The following PHF24 variants were observed in gnomAD, a reference collection of about 807,000 sequenced individuals.
The protein encoded by PHF24 is PHD finger protein 24.
In PHF24, 25 loss-of-function variants were observed where a neutral mutation model predicts 42.6. The ratio of observed to expected loss-of-function variants is 0.59; its 90% CI spans 0.43 to 0.82. PHF24 has a LOEUF of 0.82. PHF24 is among the 40% of genes least tolerant of loss of function. The probability of loss-of-function intolerance (pLI) is 0.00; values close to 1 mark genes in which losing one functional copy is unlikely to be tolerated. For missense variants in PHF24, 470 were observed against 538.1 expected (o/e 0.87, Z 1.25); for synonymous variants, 185 against 204.8 (o/e 0.90, Z 0.83).
chr9:34,710,123 A>T, the PHF24 span: 1 of 1,490,874 alleles, frequency 6.7e-7, no homozygotes, highest in Non-Finnish European at 9.3e-7. Flanking sequence ...GGCAGCTGCA[A>T]GTTGGGGGTC....
the PHF24 span, among the ~76,000 whole-genome samples, chr9:34,805,219 A>G: frequency 4.6e-5 from 7 of 152,230 alleles, no homozygotes; most frequent in African/African-American, 1.7e-4. Context: ...TATTGGGAAT[A>G]TACCTAGGAG....
At chr9:34,860,351 T>TAAACAAC in the PHF24 span, among the ~76,000 whole-genome samples, 1 of 152,222 alleles carries the variant, frequency 6.6e-6, no homozygotes, top group South Asian at 2.1e-4. Context: ...TGTAAAATTG[T>TAAACAAC]TTTCCCATAG....
At chr9:34,886,826 G>GTATGTATC in the PHF24 span, among the ~76,000 whole-genome samples, 4 of 80,808 alleles carry the variant, frequency 4.9e-5, no homozygotes, top group Admixed American at 1.5e-4. Flanking sequence ...ATGTATCTAT[G>GTATGTATC]TATCTATGTA....
chr9:34,810,346 A>G, the PHF24 span, among the ~76,000 whole-genome samples: 2 of 152,062 alleles, frequency 1.3e-5, no homozygotes, highest in East Asian at 3.9e-4. Flanking sequence ...GCTGCGGGGA[A>G]CCGCCGCCAT....
At chr9:34,772,074 A>AAGGTTTCAGCTCAGGTTTCAGCTG in the PHF24 span, among the ~76,000 whole-genome samples, 2 of 152,204 alleles carry the variant, frequency 1.3e-5, no homozygotes, top group Non-Finnish European at 1.5e-5. Context: ...CAGCCTTACA[A>AAGGTTTCAGCTCAGGTTTCAGCTG]AGGTTTCAGC....
the PHF24 span, chr9:34,833,309 G>T: frequency 6.4e-7 from 1 of 1,551,440 alleles, no homozygotes; most frequent in Non-Finnish European, 8.7e-7. Context: ...GTCCCCACTG[G>T]GTTGTGAGAT....
chr9:34,942,614 C>A, the PHF24 span, among the ~76,000 whole-genome samples: 1 of 152,046 alleles, frequency 6.6e-6, no homozygotes, highest in African/African-American at 2.4e-5. Flanking sequence ...TTTTGGCCAT[C>A]CCATATGAAT....
the PHF24 span, among the ~76,000 whole-genome samples, chr9:34,906,380 G>A: frequency 3.3e-5 from 5 of 152,220 alleles, no homozygotes; most frequent in African/African-American, 4.8e-5. Flanking sequence ...GATCTTACAC[G>A]TTATACATGG....
chr9:34,922,730 A>T, the PHF24 span: 3 of 1,578,592 alleles, frequency 1.9e-6, no homozygotes, highest in Non-Finnish European at 2.6e-6. Context: ...TTTGTTCAAT[A>T]CTTGAGACGA....
chr9:34,670,406 C>G, the PHF24 span, among the ~76,000 whole-genome samples: 1 of 152,178 alleles, frequency 6.6e-6, no homozygotes, highest in Admixed American at 6.5e-5. Context: ...GAATCTGGTG[C>G]TAACTCTACG....
At chr9:34,833,052 G>A in the PHF24 span, 4 of 1,549,924 alleles carry the variant, frequency 2.6e-6, no homozygotes, top group Non-Finnish European at 3.5e-6. Flanking sequence ...ATCCCTGCTG[G>A]CCTCTGGTCT....
chr9:34,666,038 C>T, the PHF24 span: 1 of 320,086 alleles, frequency 3.1e-6, no homozygotes, highest in South Asian at 3.5e-5. Flanking sequence ...TGGCTCCACC[C>T]CGGAAACGGA....
chr9:34,917,234 G>A, the PHF24 span: 6 of 1,332,570 alleles, frequency 4.5e-6, no homozygotes, highest in African/African-American at 5.7e-5. Flanking sequence ...ACATATCCCT[G>A]CCTCAGGGTG....
At chr9:34,728,617 G>A in the PHF24 span, 1 of 1,550,698 alleles carries the variant, frequency 6.4e-7, no homozygotes, top group East Asian at 2.4e-5. Context: ...ACCTGTTGAT[G>A]CTGCATCTCT....
intron 1 of PHF24, among the ~76,000 whole-genome samples, chr9:34,959,939 A>G (rs55750233): frequency 0.014 from 2,178 of 152,348 alleles, 41 homozygotes; most frequent in African/African-American, 0.048. Flanking sequence ...AATGGTCCAC[A>G]GATAGCACTC....
the PHF24 span, among the ~76,000 whole-genome samples, chr9:34,708,160 G>T: frequency 1.3e-5 from 2 of 152,136 alleles, no homozygotes; most frequent in African/African-American, 4.8e-5. Context: ...CTTCACTCTG[G>T]GGAGGAAGAG....
chr9:34,836,075 C>T, the PHF24 span: 1 of 560,648 alleles, frequency 1.8e-6, no homozygotes, highest in Admixed American at 2.2e-5. Context: ...ACATGGCAAA[C>T]ATTAATGATG....
chr9:34,820,473 G>A, the PHF24 span, among the ~76,000 whole-genome samples: 82,141 of 151,920 alleles, frequency 0.54, 23,101 homozygotes, highest in Non-Finnish European at 0.62. Context: ...ACTTATAAGT[G>A]AGAACATGTG....
chr9:34,710,893 A>AT, the PHF24 span, among the ~76,000 whole-genome samples: 1 of 152,014 alleles, frequency 6.6e-6, no homozygotes, highest in Non-Finnish European at 1.5e-5. Context: ...AAGTGCTGGA[A>AT]TTATAGGTAT....
Sources: gnomAD v4.1 joint callset for allele counts (sites outside exome capture counted in the v4.1 genomes callset) on GRCh38, gnomAD v4.1.1 for gene constraint, MANE v1.5 for transcripts, NCBI Gene and HGNC (gene_info 2026-07-23, HGNC 2026-07-21) for gene names.